The following PCDH9 variants were observed in gnomAD, a reference collection of about 807,000 sequenced individuals.
PCDH9 encodes the protein protocadherin 9, also known as protocadherin-9.
Under a neutral mutation model 70.6 loss-of-function variants are expected in PCDH9, and 24 were observed. The ratio of observed to expected loss-of-function variants is 0.34; its 90% CI spans 0.25 to 0.48. PCDH9 has a LOEUF of 0.48. Among genes scored for constraint, PCDH9 ranks in the 20% least tolerant of loss-of-function variants. The pLI is 0.99. For missense variants in PCDH9, 1,281 were observed against 1,503.6 expected (o/e 0.85, Z 2.45); for synonymous variants, 562 against 558.5 (o/e 1.01, Z -0.09).
At chr13:66,335,059 T>C (rs1324166548) in intron 4 of PCDH9, among the ~76,000 whole-genome samples, 1 of 152,114 alleles carries the variant, frequency 6.6e-6, no homozygotes, top group African/African-American at 2.4e-5. Flanking sequence ...CTGCAATTCA[T>C]CTAAATAGCC....
intron 2 of PCDH9, chr13:66,990,972 T>C (rs1259458036): frequency 6.6e-6 from 1 of 152,006 alleles, no homozygotes; most frequent in Non-Finnish European, 1.5e-5. Context: ...TTCCTTATTA[T>C]TGTTTAATGT....
chr13:67,229,793 A>T lies in PCDH9; in HGVS notation c.-149T>A, dbSNP rs2089967261. The T allele has an allele frequency of 6.6e-6, 1 of 152,240 alleles. No individual in the cohort carries two copies. The highest frequency in any genetic ancestry group is 6.5e-5 in the Admixed American group (1 of 15,280). 9.4% of individuals were successfully genotyped at this position (152,240 alleles called of 1,614,324 possible). ...CTTTACACTTACGTTAGTTGCCTCA[A>T]CCTTTCCCCTTTCCCAGTATGCTGC... On this transcript the variant is annotated 5_prime_UTR_variant, in exon 1 of 5. In the 5' UTR this introduces an upstream ATG that the reference lacks. Coordinates refer to ENST00000377865, the MANE Select transcript of PCDH9 (RefSeq NM_203487.3).
chr13:66,445,449 T>C (rs1692720722), intron 4 of PCDH9, among the ~76,000 whole-genome samples: 1 of 144,740 alleles, frequency 6.9e-6, no homozygotes, highest in South Asian at 2.1e-4. Flanking sequence ...GATGTGTGTA[T>C]ATATATACAC....
At chr13:67,063,975 GA>G (rs941130270) in intron 2 of PCDH9, among the ~76,000 whole-genome samples, 3 of 152,034 alleles carry the variant, frequency 2.0e-5, no homozygotes, top group African/African-American at 7.2e-5. Context: ...TTATTTAATA[GA>G]AAAAAGAAAT....
At chr13:67,099,955 A>C (rs1202862672) in intron 2 of PCDH9, among the ~76,000 whole-genome samples, 2 of 152,198 alleles carry the variant, frequency 1.3e-5, no homozygotes, top group African/African-American at 4.8e-5. Context: ...TATAACATCT[A>C]TTATGCATCT....
At chr13:67,108,738 A>G (rs1405992535) in intron 2 of PCDH9, among the ~76,000 whole-genome samples, 3 of 152,116 alleles carry the variant, frequency 2.0e-5, no homozygotes, top group East Asian at 3.8e-4. Flanking sequence ...TGGGTACTAT[A>G]TTTAATGACT....
intron 4 of PCDH9, among the ~76,000 whole-genome samples, chr13:66,446,153 C>T (rs541381215): frequency 3.3e-5 from 5 of 152,054 alleles, no homozygotes; most frequent in Admixed American, 6.6e-5. Flanking sequence ...TGTGTATGTG[C>T]TTCAGGTGAA....
rs2079118913 is a variant in PCDH9 at position 66,734,491 on chromosome 13, C to A, written c.3139-103080G>T. ...CCTGAGAGGGATCTTGTGAACCCTG[C>A]AAATTTGCAATTGGTGTCAGAAATG... On this transcript the variant is annotated intron_variant, in intron 3 of 4. Coordinates refer to ENST00000377865, the MANE Select transcript of PCDH9 (RefSeq NM_203487.3). 2.0e-5 allele frequency among the ~76,000 whole-genome samples: 3 copies of A among 152,088 alleles called. 1 individual carries two copies. In the South Asian group the frequency reaches 6.2e-4, roughly 32 times the overall value.
chr13:66,727,401 G>A (rs572291760), intron 3 of PCDH9, among the ~76,000 whole-genome samples: 1 of 152,114 alleles, frequency 6.6e-6, no homozygotes, highest in African/African-American at 2.4e-5. Context: ...TGAAATTTAA[G>A]CCCCATTGTT....
intron 2 of PCDH9, among the ~76,000 whole-genome samples, chr13:67,168,989 A>C (rs1221282285): frequency 6.6e-6 from 1 of 152,200 alleles, no homozygotes; most frequent in African/African-American, 2.4e-5. Flanking sequence ...AATGTTTGTC[A>C]AACAAGTAGT....
chr13:66,888,258 G>A (rs1231175702), intron 3 of PCDH9, among the ~76,000 whole-genome samples: 1 of 152,114 alleles, frequency 6.6e-6, no homozygotes, highest in Non-Finnish European at 1.5e-5. Context: ...TCTTTGAGAG[G>A]CCGAGCTGGG....
Position 67,050,953 on chromosome 13 carries a change from A to C in PCDH9, c.3037-147348T>G, listed in dbSNP as rs1458369236. Among the ~76,000 whole-genome samples, 4 of 152,230 alleles carry C rather than the reference A, an allele frequency of 2.6e-5. No individual in the cohort carries two copies. The East Asian group carries it at 7.7e-4, about 29-fold the overall frequency. Reference sequence around the variant, plus strand: ...ATATACAAACATGTCAAGAGTTAGTAATAAAAAATACAACTAAAAGCTCAA... The same window carrying C: ...ATATACAAACATGTCAAGAGTTAGTCATAAAAAATACAACTAAAAGCTCAA... On this transcript the variant is annotated intron_variant, in intron 2 of 4. Transcript: ENST00000377865.
At chr13:66,839,651 A>G (rs2081082900) in intron 3 of PCDH9, among the ~76,000 whole-genome samples, 1 of 152,062 alleles carries the variant, frequency 6.6e-6, no homozygotes, top group Non-Finnish European at 1.5e-5. Context: ...ATTATCAATC[A>G]TTTTTCAAAA....
Position 66,686,662 on chromosome 13 carries a change from C to G in PCDH9, c.3139-55251G>C, listed in dbSNP as rs530809950. Reference sequence around the variant, plus strand: ...ATAAAAGTGTATAATATTAGTCTAACCATTTTTTACTTCCTACCACTTTAC... The same window carrying G: ...ATAAAAGTGTATAATATTAGTCTAAGCATTTTTTACTTCCTACCACTTTAC... On this transcript the variant is annotated intron_variant, in intron 3 of 4. Transcript: ENST00000377865. Among the ~76,000 whole-genome samples, 3 of 152,204 alleles carry G rather than the reference C, an allele frequency of 2.0e-5. No homozygotes were observed. In the East Asian group the frequency reaches 5.8e-4, roughly 29 times the overall value.
intron 2 of PCDH9, among the ~76,000 whole-genome samples, chr13:66,931,504 G>C (rs2082807501): frequency 6.6e-6 from 1 of 152,062 alleles, no homozygotes; most frequent in African/African-American, 2.4e-5. Context: ...AAGTGAATGT[G>C]ATTGATGTAG....
At chr13:66,593,400 A>G (rs189495094) in intron 4 of PCDH9, among the ~76,000 whole-genome samples, 173 of 151,814 alleles carry the variant, frequency 1.1e-3, no homozygotes, top group African/African-American at 4.1e-3. Context: ...TATGGAATAG[A>G]TTTTCTATAA....
intron 2 of PCDH9, among the ~76,000 whole-genome samples, chr13:67,183,852 C>A (rs952327791): frequency 6.6e-6 from 1 of 151,880 alleles, no homozygotes; most frequent in Non-Finnish European, 1.5e-5. Flanking sequence ...ATTCAAGGAA[C>A]AAGAATTTAA....
At chr13:67,025,409 CT>C (rs1451930570) in intron 2 of PCDH9, among the ~76,000 whole-genome samples, 1 of 151,958 alleles carries the variant, frequency 6.6e-6, no homozygotes, top group Non-Finnish European at 1.5e-5. Context: ...TTACAAATCC[CT>C]AACGCAATTG....
intron 4 of PCDH9, among the ~76,000 whole-genome samples, chr13:66,626,615 A>T (rs761032516): frequency 6.6e-6 from 1 of 152,224 alleles, no homozygotes; most frequent in South Asian, 2.1e-4. Context: ...AGTTTCTGTC[A>T]TACCAATGCA....
Sources: gnomAD v4.1 joint callset for allele counts (sites outside exome capture counted in the v4.1 genomes callset) on GRCh38, gnomAD v4.1.1 for gene constraint, MANE v1.5 for transcripts, NCBI Gene and HGNC (gene_info 2026-07-23, HGNC 2026-07-21) for gene names.